The following MCTP1 variants were observed in gnomAD, a reference collection of about 807,000 sequenced individuals.
MCTP1 encodes the protein multiple C2 and transmembrane domain-containing protein 1.
A neutral mutation model predicts 120.6 loss-of-function variants in MCTP1; 69 were observed. That is an observed-to-expected ratio of 0.57 (90% CI 0.47 to 0.70). The LOEUF (loss-of-function observed/expected upper bound fraction) is 0.70. Among genes scored for constraint, MCTP1 ranks in the 30% least tolerant of loss-of-function variants. The pLI, the probability that MCTP1 is intolerant of heterozygous loss-of-function variation, is 0.00. For missense variants in MCTP1, 1,203 were observed against 1,248.8 expected (o/e 0.96, Z 0.55); for synonymous variants, 529 against 493.1 (o/e 1.07, Z -0.96).
At chr5:94,994,010 C>T (rs568402668) in intron 2 of MCTP1, among the ~76,000 whole-genome samples, 2 of 152,220 alleles carry the variant, frequency 1.3e-5, no homozygotes, top group Non-Finnish European at 2.9e-5. Flanking sequence ...GTCAACCTTT[C>T]GATTAAGGAA....
chr5:94,978,103 C>T (rs994340704), intron 2 of MCTP1, among the ~76,000 whole-genome samples: 1 of 151,836 alleles, frequency 6.6e-6, no homozygotes, highest in Non-Finnish European at 1.5e-5. Context: ...TACAAATGGC[C>T]AACAGGTATA....
intron 6 of MCTP1, among the ~76,000 whole-genome samples, chr5:94,925,873 C>A (rs1434388847): frequency 6.6e-6 from 1 of 152,138 alleles, no homozygotes; most frequent in Non-Finnish European, 1.5e-5. Context: ...TAGTAAGATG[C>A]ATTGGGAATA....
chr5:95,225,682 C>G (rs1343839819), intron 1 of MCTP1, among the ~76,000 whole-genome samples: 1 of 152,050 alleles, frequency 6.6e-6, no homozygotes, highest in East Asian at 1.9e-4. Context: ...TGCTGCCTTC[C>G]CGTCTTTCCT....
At chr5:95,275,444 C>T (rs1759751935) in intron 1 of MCTP1, among the ~76,000 whole-genome samples, 1 of 152,184 alleles carries the variant, frequency 6.6e-6, no homozygotes, top group African/African-American at 2.4e-5. Context: ...ACCCTCTTGG[C>T]TCCTTGTCTT....
chr5:95,251,338 C>T (rs1757362285), intron 1 of MCTP1, among the ~76,000 whole-genome samples: 1 of 152,006 alleles, frequency 6.6e-6, no homozygotes, highest in South Asian at 2.1e-4. Flanking sequence ...GCCTACTTCT[C>T]ATAGAAGGTG....
chr5:94,816,886 A>G (rs1784567420), intron 17 of MCTP1, among the ~76,000 whole-genome samples: 1 of 152,124 alleles, frequency 6.6e-6, no homozygotes, highest in Non-Finnish European at 1.5e-5. Flanking sequence ...TTATTAATGT[A>G]CTCTAAAAAT....
At chr5:95,267,318 A>G (rs1375014314) in intron 1 of MCTP1, among the ~76,000 whole-genome samples, 1 of 152,138 alleles carries the variant, frequency 6.6e-6, no homozygotes, top group Non-Finnish European at 1.5e-5. Flanking sequence ...TTTTTTTATA[A>G]TTTACAGTTG....
intron 1 of MCTP1, among the ~76,000 whole-genome samples, chr5:95,097,388 G>A (rs757409694): frequency 6.6e-6 from 1 of 152,160 alleles, no homozygotes; most frequent in Admixed American, 6.5e-5. Flanking sequence ...GAGAACCAGG[G>A]GAAGATTGTA....
At chr5:95,166,209 A>G (rs1263083933) in intron 1 of MCTP1, 2 of 152,208 alleles carry the variant, frequency 1.3e-5, no homozygotes, top group African/African-American at 4.8e-5. Flanking sequence ...TTTTTCCCCT[A>G]TGGACAAAAT....
intron 1 of MCTP1, among the ~76,000 whole-genome samples, chr5:95,177,743 T>C (rs1748174138): frequency 6.6e-6 from 1 of 152,214 alleles, no homozygotes; most frequent in African/African-American, 2.4e-5. Flanking sequence ...ACAGTTAATG[T>C]ACACTGACTG....
At chr5:94,939,734 C>T (rs1268461655) in intron 5 of MCTP1, among the ~76,000 whole-genome samples, 4 of 151,974 alleles carry the variant, frequency 2.6e-5, no homozygotes, top group African/African-American at 9.7e-5. Context: ...ACAGCAGGGT[C>T]TGGATACCGT....
At chr5:94,948,251 G>A (rs1021257761) in intron 3 of MCTP1, among the ~76,000 whole-genome samples, 8 of 152,212 alleles carry the variant, frequency 5.3e-5, no homozygotes, top group East Asian at 3.9e-4. Context: ...CAAAAGAGAC[G>A]AAAACAGTTA....
intron 1 of MCTP1, among the ~76,000 whole-genome samples, chr5:95,140,187 A>C (rs1196252860): frequency 6.6e-6 from 1 of 152,194 alleles, no homozygotes; most frequent in Non-Finnish European, 1.5e-5. Flanking sequence ...CTCTCTCTTC[A>C]AAAAAATTTA....
At chr5:94,953,876 T>C (rs113698138) in intron 2 of MCTP1, among the ~76,000 whole-genome samples, 10 of 120,904 alleles carry the variant, frequency 8.3e-5, no homozygotes, top group African/African-American at 3.3e-4. Flanking sequence ...TATACAAATA[T>C]ATATGCATAT....
intron 6 of MCTP1, among the ~76,000 whole-genome samples, chr5:94,927,466 C>T (rs927775585): frequency 1.1e-4 from 17 of 151,758 alleles, no homozygotes; most frequent in Admixed American, 3.9e-4. Context: ...AAGACATATG[C>T]GTAATGACTA....
At chr5:95,231,395 G>C (rs1211775113) in intron 1 of MCTP1, among the ~76,000 whole-genome samples, 1 of 151,804 alleles carries the variant, frequency 6.6e-6, no homozygotes, top group East Asian at 1.9e-4. Context: ...GGGGTAACAG[G>C]AATCAGATTT....
intron 2 of MCTP1, among the ~76,000 whole-genome samples, chr5:95,005,952 G>A (rs1834650749): frequency 6.6e-6 from 1 of 152,008 alleles, no homozygotes; most frequent in Admixed American, 6.6e-5. Flanking sequence ...ACCAGCCCTG[G>A]GCAAGACACT....
intron 19 of MCTP1, among the ~76,000 whole-genome samples, chr5:94,721,860 T>C (rs1760984786): frequency 6.9e-6 from 1 of 145,008 alleles, no homozygotes; most frequent in African/African-American, 2.5e-5. Context: ...TTTTTTTTAA[T>C]GCATTATTAA....
chr5:94,913,205 C>T (rs558297291), intron 8 of MCTP1, among the ~76,000 whole-genome samples: 1 of 152,090 alleles, frequency 6.6e-6, no homozygotes, highest in African/African-American at 2.4e-5. Flanking sequence ...GTTCAAAATA[C>T]AGTCTAGCTT....
Sources: allele counts gnomAD v4.1 joint callset (sites outside exome capture counted in the v4.1 genomes callset), GRCh38; gene constraint gnomAD v4.1.1; transcripts MANE v1.5; gene names NCBI Gene and HGNC (gene_info 2026-07-23, HGNC 2026-07-21).